RACGAP1: variants seen among roughly 807,000 people sequenced by gnomAD.
RACGAP1 encodes Rac GTPase activating protein 1, also known as rac GTPase-activating protein 1.
A neutral mutation model predicts 78.1 loss-of-function variants in RACGAP1; 30 were observed. The ratio of observed to expected loss-of-function variants is 0.38; its 90% CI spans 0.29 to 0.52. The LOEUF is 0.52. Among genes scored for constraint, RACGAP1 ranks in the 20% least tolerant of loss-of-function variants. RACGAP1 has a pLI of 0.82. For synonymous variants in RACGAP1, 231 were observed against 264.8 expected, an observed-to-expected ratio of 0.87 and a Z score of 1.24; for missense variants, 587 against 777.1, an observed-to-expected ratio of 0.76 and a Z score of 2.91.
At chr12:49,995,198 A>G (rs899574323) in intron 10 of RACGAP1, among the ~76,000 whole-genome samples, 2 of 152,218 alleles carry the variant, frequency 1.3e-5, no homozygotes, top group African/African-American at 4.8e-5. Context: ...AAAATACAAA[A>G]TTAGCCAGGC....
chr12:50,003,948 A>G (rs1948828212), intron 5 of RACGAP1, among the ~76,000 whole-genome samples: 1 of 152,232 alleles, frequency 6.6e-6, no homozygotes, highest in African/African-American at 2.4e-5. Flanking sequence ...TGGGGCTTTA[A>G]TAAGTCAAAA....
intron 10 of RACGAP1, among the ~76,000 whole-genome samples, chr12:49,995,491 T>C (rs1186502989): frequency 1.3e-5 from 2 of 152,040 alleles, no homozygotes; most frequent in African/African-American, 4.8e-5. Flanking sequence ...GTTACTTACA[T>C]AATAATTTTT....
At chr12:50,000,846 G>A (rs1488733949) in intron 7 of RACGAP1, among the ~76,000 whole-genome samples, 5 of 151,876 alleles carry the variant, frequency 3.3e-5, no homozygotes, top group Admixed American at 2.0e-4. Flanking sequence ...TCAGGAGTTC[G>A]AGACCAGCCT....
chr12:50,011,962 A>G (rs1949366401), intron 2 of RACGAP1, among the ~76,000 whole-genome samples: 1 of 150,018 alleles, frequency 6.7e-6, no homozygotes, highest in Non-Finnish European at 1.5e-5. Flanking sequence ...TCAAAAAAAA[A>G]AAAAAAAAAA....
At chr12:50,002,198 A>T (rs1948724578) in intron 6 of RACGAP1, 49 bp downstream of exon 6, 2 of 1,568,250 alleles carry the variant, frequency 1.3e-6, no homozygotes, top group Non-Finnish European at 1.7e-6. Context: ...TCCAAAAATA[A>T]CTCCATTATT....
In RACGAP1 at chr12:49,995,349, AAAAACAAAACAAAAC is replaced by A. The variant is rs148130509; in HGVS notation, c.1045-855_1045-841del. Among the ~76,000 whole-genome samples, 39 of 151,266 alleles carry A rather than the reference AAAAACAAAACAAAAC, an allele frequency of 2.6e-4. 2 individuals carry two copies. In the South Asian group the frequency reaches 6.1e-3, roughly 23 times the overall value. On this transcript the variant is annotated intron_variant, in intron 10 of 16. Transcript: ENST00000312377. ...GGCAACAAGAACAAAACTCCCTCTC[AAAAACAAAACAAAAC>A]AAAACAAAACAAAACAAAATGTACA...
chr12:50,022,171 A>G (rs1284946791), intron 1 of RACGAP1, among the ~76,000 whole-genome samples: 3 of 152,350 alleles, frequency 2.0e-5, no homozygotes, highest in Admixed American at 6.5e-5. Context: ...AGTCTCACCA[A>G]TTCACTGAAG....
In RACGAP1 at chr12:49,997,738, C is replaced by A. The variant is rs142906042; in HGVS notation, c.880-534G>T. Among the ~76,000 whole-genome samples, 961 of 151,788 alleles carry A rather than the reference C, an allele frequency of 6.3e-3. 6 individuals carry two copies. The highest frequency in any genetic ancestry group is 0.017 in the Middle Eastern group (5 of 294). On this transcript the variant is annotated intron_variant, in intron 9 of 16. Coordinates refer to ENST00000312377, the MANE Select transcript of RACGAP1 (RefSeq NM_001319999.2). Reference sequence around the variant, plus strand: ...GATTACAGGCATGCGCCACCACGCCCGGCTAATTTTTATATTGTTAGTAGA... The same window carrying A: ...GATTACAGGCATGCGCCACCACGCCAGGCTAATTTTTATATTGTTAGTAGA...
chr12:50,000,143 A>G (rs1948580754), intron 7 of RACGAP1, among the ~76,000 whole-genome samples: 1 of 151,368 alleles, frequency 6.6e-6, no homozygotes, highest in Non-Finnish European at 1.5e-5. Flanking sequence ...CCTCCCGAGT[A>G]GCTGGGACTA....
At chr12:50,026,716 C>CT (rs983032446), upstream of RACGAP1, among the ~76,000 whole-genome samples, 3 of 152,188 alleles carry the variant, frequency 2.0e-5, no homozygotes, top group Admixed American at 2.0e-4. Flanking sequence ...GAGACAGGGT[C>CT]TTACTCTGTC....
chr12:50,017,190 T>C (rs2137623663), intron 1 of RACGAP1: 1 of 608,832 alleles, frequency 1.6e-6, no homozygotes, highest in Non-Finnish European at 2.1e-6. Flanking sequence ...ATGCAGGACA[T>C]GGTCAGCACA....
intron 7 of RACGAP1, among the ~76,000 whole-genome samples, chr12:50,000,045 G>T (rs143859132): frequency 2.4e-5 from 1 of 41,426 alleles, no homozygotes; most frequent in African/African-American, 5.6e-5. Context: ...ACGGAGTCTC[G>T]CTGTGTCGCC....
At chr12:50,020,366 T>C (rs1005328149) in intron 1 of RACGAP1, among the ~76,000 whole-genome samples, 2 of 151,264 alleles carry the variant, frequency 1.3e-5, no homozygotes, top group Non-Finnish European at 1.5e-5. Flanking sequence ...GTATTTTTAG[T>C]AGAGATGGAG....
At chr12:49,994,798 C>T (rs1162402184) in intron 10 of RACGAP1, among the ~76,000 whole-genome samples, 2 of 152,166 alleles carry the variant, frequency 1.3e-5, no homozygotes. Flanking sequence ...ACCTCCTTCT[C>T]ATCCACTCAA....
At chr12:49,994,363 T>C (rs759844089) in intron 11 of RACGAP1, 34 bp from the exon 12 acceptor site, 13 of 1,612,844 alleles carry the variant, frequency 8.1e-6, no homozygotes, top group Non-Finnish European at 3.4e-6. Flanking sequence ...TTTAAAAACC[T>C]CCGAATTAAC....
At chr12:49,996,969 A>G in intron 10 of RACGAP1, 71 bp downstream of exon 10, 1 of 1,387,094 alleles carries the variant, frequency 7.2e-7, no homozygotes, top group South Asian at 2.0e-5. Flanking sequence ...TTTTAGAACA[A>G]AAACTGACAC....
rs779907488 is a variant in RACGAP1 at position 49,994,489 on chromosome 12, C to T, written c.1065G>A (p.Val355=). 3.1e-6 allele frequency: 5 copies of T among 1,613,366 alleles called. No individual in the cohort carries two copies. In the Admixed American group the frequency reaches 5.0e-5, roughly 16 times the overall value. The stretch of plus-strand genomic sequence containing the variant: ...AGGGGATCATTGGAGAAGTCTGGGA[C>T]ACAAAGTCTGCCAGCATTCCCTGGA... ...KIGEGMLADF[V]SQTSPMIPSI... is the part of the protein sequence containing the mutation. Residue 355 remains valine (V), a synonymous_variant, in exon 11 of 17, where the codon GTG becomes GTA. Coordinates refer to ENST00000312377, the MANE Select transcript of RACGAP1 (RefSeq NM_001319999.2).
In RACGAP1 at chr12:49,989,803, C is replaced by T; in HGVS notation, c.*465G>A. The T allele has an allele frequency of 6.5e-6, 1 of 154,872 alleles. No individual in the cohort carries two copies. The highest frequency in any genetic ancestry group is 1.9e-4 in the East Asian group (1 of 5,284). The allele number at this position is 154,872 out of a possible 1,614,324, so 9.6% of individuals were successfully genotyped here. On this transcript the variant is annotated 3_prime_UTR_variant, in exon 17 of 17. Transcript: ENST00000312377. Reference sequence around the variant, plus strand: ...CTTAGAAGGAGGCATCCTAAATCCTCTGGTCTAATCCTTTCTTTGCCCTGC... The same window carrying T: ...CTTAGAAGGAGGCATCCTAAATCCTTTGGTCTAATCCTTTCTTTGCCCTGC...
chr12:50,007,946 A>T (rs1194976100), intron 2 of RACGAP1, among the ~76,000 whole-genome samples: 1 of 151,132 alleles, frequency 6.6e-6, no homozygotes. Flanking sequence ...ATATGTTTGC[A>T]AACTAAATAC....
Sources: allele counts gnomAD v4.1 joint callset (sites outside exome capture counted in the v4.1 genomes callset), GRCh38; gene constraint gnomAD v4.1.1; transcripts MANE v1.5; gene names NCBI Gene and HGNC (gene_info 2026-07-23, HGNC 2026-07-21).